EIF3J: variants seen among roughly 807,000 people sequenced by gnomAD.
EIF3J encodes eukaryotic translation initiation factor 3 subunit J, also known as eukaryotic translation initiation factor 3, subunit 1 (alpha, 35kD).
In EIF3J, 15 loss-of-function variants were observed where a neutral mutation model predicts 39.0. The ratio of observed to expected loss-of-function variants is 0.38; its 90% CI spans 0.26 to 0.59. The LOEUF is 0.59. Ranked by LOEUF, EIF3J falls within the 20% of genes least tolerant of loss-of-function variation. The pLI is 0.60. For missense variants in EIF3J, 226 were observed against 308.6 expected (o/e 0.73, Z 2.00); for synonymous variants, 98 against 112.9 (o/e 0.87, Z 0.84).
intron 2 of EIF3J, among the ~76,000 whole-genome samples, chr15:44,544,252 G>T (rs1001643298): frequency 6.6e-6 from 1 of 151,034 alleles, no homozygotes; most frequent in Admixed American, 6.6e-5. Flanking sequence ...ACACCACCAC[G>T]CCCTGCTAAT....
At chr15:44,559,927 G>C (rs2082178027) in intron 6 of EIF3J, among the ~76,000 whole-genome samples, 1 of 151,980 alleles carries the variant, frequency 6.6e-6, no homozygotes, top group Non-Finnish European at 1.5e-5. Context: ...AATGAATTTT[G>C]TTTTCAAGAG....
intron 7 of EIF3J, chr15:44,560,527 T>G (rs549895818): frequency 1.9e-6 from 1 of 523,236 alleles, no homozygotes; most frequent in East Asian, 3.1e-5. Context: ...TAATAGAAAT[T>G]GCTGAAATCA....
intron 2 of EIF3J, among the ~76,000 whole-genome samples, chr15:44,537,682 G>T (rs955306849): frequency 2.6e-5 from 4 of 152,248 alleles, no homozygotes; most frequent in Non-Finnish European, 5.9e-5. Context: ...GCGACGAAAG[G>T]TGACAGCATC....
chr15:44,560,907 T>C, intron 7 of EIF3J, 111 bp from the exon 8 acceptor site: 5 of 1,412,284 alleles, frequency 3.5e-6, no homozygotes, highest in Middle Eastern at 3.7e-4. Flanking sequence ...CTTACAGAAC[T>C]AGTGTTTCTG....
chr15:44,544,743 CGCCT>C (rs1460990943), intron 2 of EIF3J, among the ~76,000 whole-genome samples: 2 of 142,508 alleles, frequency 1.4e-5, no homozygotes, highest in African/African-American at 5.3e-5. Flanking sequence ...GGGCCAGGCA[CGCCT>C]GTAATCCCAG....
chr15:44,547,632 TAG>T (rs1371118876), intron 2 of EIF3J, among the ~76,000 whole-genome samples: 2 of 151,896 alleles, frequency 1.3e-5, no homozygotes, highest in East Asian at 3.9e-4. Flanking sequence ...GTATTTTTAG[TAG>T]AGACAGGGTT....
At chr15:44,537,483 C>CAG in intron 2 of EIF3J, 56 bp downstream of exon 2, 1 of 1,442,178 alleles carries the variant, frequency 6.9e-7, no homozygotes, top group Non-Finnish European at 9.1e-7. Flanking sequence ...CTGTTGCCGG[C>CAG]CGACTCTGGG....
chr15:44,552,533 CCA>C (rs1363572934), intron 4 of EIF3J, among the ~76,000 whole-genome samples: 1 of 152,046 alleles, frequency 6.6e-6, no homozygotes, highest in East Asian at 1.9e-4. Flanking sequence ...GCATGAGCCA[CCA>C]CGTCCAGCCT....
chr15:44,538,478 C>G (rs1228726574), intron 2 of EIF3J, among the ~76,000 whole-genome samples: 3 of 151,920 alleles, frequency 2.0e-5, no homozygotes, highest in African/African-American at 4.8e-5. Context: ...AACGGAGAAC[C>G]CTATAAATCC....
chr15:44,546,805 A>T (rs1046055060), intron 2 of EIF3J, among the ~76,000 whole-genome samples: 4 of 149,096 alleles, frequency 2.7e-5, no homozygotes, highest in African/African-American at 9.9e-5. Flanking sequence ...TAGAAAAAAC[A>T]GAGTATAGAT....
intron 2 of EIF3J, among the ~76,000 whole-genome samples, chr15:44,541,567 C>T (rs572660012): frequency 6.6e-6 from 1 of 151,006 alleles, no homozygotes; most frequent in East Asian, 2.0e-4. Context: ...TCTCGTCCTA[C>T]TCATTCACTC....
At chr15:44,549,779 A>T (rs534145293) in intron 2 of EIF3J, among the ~76,000 whole-genome samples, 12 of 150,300 alleles carry the variant, frequency 8.0e-5, no homozygotes, top group Non-Finnish European at 1.8e-4. Flanking sequence ...AAAAAAAAAA[A>T]AAAAAAAAAA....
At chr15:44,560,498 A>G in intron 7 of EIF3J, 176 bp downstream of exon 7, 2 of 556,042 alleles carry the variant, frequency 3.6e-6, no homozygotes, top group Non-Finnish European at 6.1e-6. Flanking sequence ...GTTTCCAGAC[A>G]TGTTCCCCTT....
intron 5 of EIF3J, among the ~76,000 whole-genome samples, chr15:44,556,183 A>G (rs1399083998): frequency 1.3e-5 from 2 of 152,120 alleles, no homozygotes; most frequent in East Asian, 1.9e-4. Flanking sequence ...GATTTCTTCT[A>G]TTGGGATTTA....
In EIF3J at chr15:44,550,694, C is replaced by G. The variant is rs117977617; in HGVS notation, c.148-182C>G. 1.6e-4 allele frequency: 77 copies of G among 475,470 alleles called. 1 individual carries two copies. In the East Asian group the frequency reaches 2.5e-3, roughly 15 times the overall value. 29.5% of individuals were successfully genotyped at this position (475,470 alleles called of 1,614,324 possible). A position where few individuals can be genotyped will look rare whatever the true frequency, so the allele number is the denominator to read the frequency against. On this transcript the variant is annotated intron_variant, in intron 2 of 7. Coordinates refer to ENST00000261868, the MANE Select transcript of EIF3J (RefSeq NM_003758.4). ...TACTTGATCAAATGGAAAGACAGTT[C>G]TTATTCTTGGTTAGGGCAGCTCAGC...
chr15:44,554,389 A>C (rs1040131748), intron 4 of EIF3J, among the ~76,000 whole-genome samples, 164 bp from the exon 5 acceptor site: 1 of 151,714 alleles, frequency 6.6e-6, no homozygotes, highest in Non-Finnish European at 1.5e-5. Flanking sequence ...AAAAAAAAAA[A>C]AAAAAAAAAA....
chr15:44,540,773 G>C (rs903932301), intron 2 of EIF3J, among the ~76,000 whole-genome samples: 1 of 152,136 alleles, frequency 6.6e-6, no homozygotes, highest in Non-Finnish European at 1.5e-5. Context: ...TTATGTTTTT[G>C]TACTTTTTAT....
At chr15:44,546,057 A>G (rs866090864) in intron 2 of EIF3J, among the ~76,000 whole-genome samples, 80 of 152,262 alleles carry the variant, frequency 5.3e-4, no homozygotes, top group African/African-American at 1.9e-3. Context: ...GCCCCCTATC[A>G]CTCACAGATC....
chr15:44,548,407 C>T (rs1244219616), intron 2 of EIF3J, among the ~76,000 whole-genome samples: 2 of 152,074 alleles, frequency 1.3e-5, no homozygotes, highest in African/African-American at 4.8e-5. Context: ...AAGAGTGAAA[C>T]TCCGTCTCAA....
Sources: gnomAD v4.1 joint callset for allele counts (sites outside exome capture counted in the v4.1 genomes callset) on GRCh38, gnomAD v4.1.1 for gene constraint, MANE v1.5 for transcripts, NCBI Gene and HGNC (gene_info 2026-07-23, HGNC 2026-07-21) for gene names.